The following APBA2 variants were observed in gnomAD, a reference collection of about 807,000 sequenced individuals.
APBA2 encodes the protein amyloid-beta A4 precursor protein-binding family A member 2.
Under a neutral mutation model 75.0 loss-of-function variants are expected in APBA2, and 30 were observed. The observed-to-expected ratio is 0.40, with a 90% confidence interval of 0.30 to 0.54. APBA2 has a LOEUF of 0.54. Among genes scored for constraint, APBA2 ranks in the 20% least tolerant of loss-of-function variants. The probability of loss-of-function intolerance (pLI) is 0.49; values close to 1 mark genes in which losing one functional copy is unlikely to be tolerated. For missense variants in APBA2, 801 were observed against 1,016.1 expected, an observed-to-expected ratio of 0.79 and a Z score of 2.88; for synonymous variants, 444 against 409.6, an observed-to-expected ratio of 1.08 and a Z score of -1.01.
chr15:29,045,103 C>T (rs72716252), intron 3 of APBA2, among the ~76,000 whole-genome samples: 13,888 of 140,062 alleles, frequency 0.099, 2,003 homozygotes, highest in African/African-American at 0.32. Flanking sequence ...CTCTCTCTCT[C>T]GTCTCGCACT....
At chr15:28,996,236 CTT>C (rs1181144524) in intron 3 of APBA2, among the ~76,000 whole-genome samples, 3 of 152,186 alleles carry the variant, frequency 2.0e-5, no homozygotes, top group Non-Finnish European at 2.9e-5. Flanking sequence ...GCACTCGAAC[CTT>C]TCACTCTCCA....
rs186686087 is a variant in APBA2 at position 29,010,321 on chromosome 15, C to T, written c.-41+14515C>T. Among the ~76,000 whole-genome samples the T allele has an allele frequency of 1.9e-4, 29 of 152,216 alleles. No homozygotes were observed. The East Asian group carries it at 5.4e-3, about 28-fold the overall frequency. On this transcript the variant is annotated intron_variant, in intron 3 of 14. Coordinates refer to ENST00000683413, the MANE Select transcript of APBA2 (RefSeq NM_001353788.2). ...TCGCCCAGGCTTGAGTGCAGTGGTGCGATCTCAGCTCACTGTAAGCTTCGC... is the reference window on the plus strand; with the variant it reads ...TCGCCCAGGCTTGAGTGCAGTGGTGTGATCTCAGCTCACTGTAAGCTTCGC...
At chr15:29,101,928 A>G (rs1312491867) in intron 10 of APBA2, 144 bp downstream of exon 10, 2 of 846,762 alleles carry the variant, frequency 2.4e-6, no homozygotes, top group Non-Finnish European at 3.9e-6. Flanking sequence ...GATCTTTTGC[A>G]TACTCTTTGG....
chr15:29,007,515 T>C (rs1405932731), intron 3 of APBA2, among the ~76,000 whole-genome samples: 1 of 152,204 alleles, frequency 6.6e-6, no homozygotes, highest in Non-Finnish European at 1.5e-5. Context: ...GTGTGAAGAA[T>C]TCTTAGAATT....
intron 9 of APBA2, among the ~76,000 whole-genome samples, chr15:29,099,610 A>C (rs952404493): frequency 6.6e-6 from 1 of 152,326 alleles, no homozygotes; most frequent in Admixed American, 6.5e-5. Context: ...AAAAGGAACC[A>C]TGGTTGTCAG....
At chr15:29,051,897 A>C (rs1427732779) in intron 3 of APBA2, among the ~76,000 whole-genome samples, 1 of 152,080 alleles carries the variant, frequency 6.6e-6, no homozygotes, top group Non-Finnish European at 1.5e-5. Context: ...TGCTTCTGCC[A>C]CCTAAGGTCC....
chr15:29,034,762 A>T (rs1455910515), intron 3 of APBA2, among the ~76,000 whole-genome samples: 1 of 152,158 alleles, frequency 6.6e-6, no homozygotes, highest in Non-Finnish European at 1.5e-5. Context: ...AGATCTTTTA[A>T]CATGCAGACT....
chr15:29,089,364 G>A (rs1466872782), intron 6 of APBA2, among the ~76,000 whole-genome samples: 1 of 152,170 alleles, frequency 6.6e-6, no homozygotes, highest in Admixed American at 6.5e-5. Context: ...ACAGAGGTCT[G>A]GTGTGTTGGG....
chr15:29,009,052 G>T (rs147119504), intron 3 of APBA2, among the ~76,000 whole-genome samples: 18 of 152,330 alleles, frequency 1.2e-4, no homozygotes, highest in Non-Finnish European at 2.4e-4. Context: ...CTCCCCAAGA[G>T]CCTTGGATCC....
At chr15:29,038,665 ATTTTTTTT>A (rs67217686) in intron 3 of APBA2, among the ~76,000 whole-genome samples, 4,038 of 105,454 alleles carry the variant, frequency 0.038, 219 homozygotes, top group African/African-American at 0.14. Flanking sequence ...ATATGCAGGC[ATTTTTTTT>A]TTTTTTTTTT....
intron 1 of APBA2, among the ~76,000 whole-genome samples, chr15:28,910,714 T>C (rs1242404194): frequency 6.6e-6 from 1 of 152,232 alleles, no homozygotes; most frequent in Non-Finnish European, 1.5e-5. Flanking sequence ...TGTCTGGGCT[T>C]AACATCATCT....
intron 1 of APBA2, among the ~76,000 whole-genome samples, chr15:28,887,277 T>C (rs796650411): frequency 2.6e-5 from 4 of 152,370 alleles, no homozygotes; most frequent in African/African-American, 9.6e-5. Context: ...CTAAACTGCC[T>C]CTGGCCTCTT....
chr15:29,081,749 A>G (rs1468773635), intron 6 of APBA2, among the ~76,000 whole-genome samples: 1 of 152,276 alleles, frequency 6.6e-6, no homozygotes, highest in Non-Finnish European at 1.5e-5. Context: ...TTTAAGCGGC[A>G]GCACAGGATC....
At chr15:28,960,121 C>A (rs1262858414) in intron 2 of APBA2, among the ~76,000 whole-genome samples, 1 of 147,728 alleles carries the variant, frequency 6.8e-6, no homozygotes, top group East Asian at 2.0e-4. Context: ...CTTCAGTCAG[C>A]CCAGGTGACA....
chr15:29,114,805 TGA>T (rs1466243549), intron 14 of APBA2, among the ~76,000 whole-genome samples: 3 of 144,298 alleles, frequency 2.1e-5, no homozygotes, highest in South Asian at 2.2e-4. Flanking sequence ...TGTGTGTGGG[TGA>T]GTGTATGCGG....
At chr15:28,940,522 C>T (rs1566821254) in intron 2 of APBA2, among the ~76,000 whole-genome samples, 1 of 149,546 alleles carries the variant, frequency 6.7e-6, no homozygotes, top group Non-Finnish European at 1.5e-5. Flanking sequence ...CACTGCACTC[C>T]AGCCTGGGTG....
chr15:28,994,353 T>C (rs146168990), intron 2 of APBA2, among the ~76,000 whole-genome samples: 9 of 152,268 alleles, frequency 5.9e-5, no homozygotes, highest in African/African-American at 2.2e-4. Flanking sequence ...TTTTGTGTGG[T>C]GCTCACTTTG....
chr15:28,901,602 C>T (rs911746395), intron 1 of APBA2, among the ~76,000 whole-genome samples: 2 of 151,964 alleles, frequency 1.3e-5, no homozygotes, highest in South Asian at 2.1e-4. Context: ...TGGGGGGTGG[C>T]GCTTTGTTTA....
At chr15:28,977,653 C>T (rs1180111597) in intron 2 of APBA2, among the ~76,000 whole-genome samples, 1 of 152,150 alleles carries the variant, frequency 6.6e-6, no homozygotes, top group East Asian at 1.9e-4. Flanking sequence ...GACCTCTGTC[C>T]AGCACATAAA....
Sources: gnomAD v4.1 joint callset for allele counts (sites outside exome capture counted in the v4.1 genomes callset) on GRCh38, gnomAD v4.1.1 for gene constraint, MANE v1.5 for transcripts, NCBI Gene and HGNC (gene_info 2026-07-23, HGNC 2026-07-21) for gene names.